Variants in PLCL2 observed in about 807,000 individuals in gnomAD.
PLCL2 encodes inactive phospholipase C-like protein 2.
In PLCL2, 4 loss-of-function variants were observed where a neutral mutation model predicts 79.6. That is an observed-to-expected ratio of 0.05 (90% CI 0.02 to 0.11). The LOEUF (loss-of-function observed/expected upper bound fraction) is 0.11. PLCL2 is among the 10% of genes least tolerant of loss of function. The pLI, the probability that PLCL2 is intolerant of heterozygous loss-of-function variation, is 1.00. For synonymous variants in PLCL2, 484 were observed against 457.7 expected, an observed-to-expected ratio of 1.06 and a Z score of -0.73; for missense variants, 895 against 1,291.0, an observed-to-expected ratio of 0.69 and a Z score of 4.70.
At chr3:16,916,138 A>G (rs1696989833) in intron 1 of PLCL2, among the ~76,000 whole-genome samples, 1 of 152,222 alleles carries the variant, frequency 6.6e-6, no homozygotes, top group Admixed American at 6.5e-5. Context: ...TTATAGCACC[A>G]GCACGGTACA....
chr3:16,965,507 C>CT (rs1184757689), intron 1 of PLCL2, among the ~76,000 whole-genome samples: 1 of 151,696 alleles, frequency 6.6e-6, no homozygotes, highest in Non-Finnish European at 1.5e-5. Context: ...AATGCGGGCT[C>CT]TTTTTTGGTT....
At chr3:17,052,256 G>GA (rs1353915221) in intron 4 of PLCL2, among the ~76,000 whole-genome samples, 1 of 56,238 alleles carries the variant, frequency 1.8e-5, no homozygotes, top group Non-Finnish European at 5.4e-5. Flanking sequence ...AAAAAAAATT[G>GA]GGGGGGGGTG....
At chr3:16,971,573 T>C (rs558266664) in intron 1 of PLCL2, among the ~76,000 whole-genome samples, 40 of 152,288 alleles carry the variant, frequency 2.6e-4, no homozygotes, top group Middle Eastern at 3.4e-3. Context: ...TAGTTTTTTC[T>C]AATTCTGTGA....
chr3:17,037,609 G>A (rs1049368225), intron 3 of PLCL2, among the ~76,000 whole-genome samples: 3 of 152,064 alleles, frequency 2.0e-5, no homozygotes, highest in African/African-American at 7.2e-5. Flanking sequence ...GCAGTTTAGA[G>A]GTTGGGATTT....
At chr3:17,056,014 C>T (rs2064888810) in intron 4 of PLCL2, among the ~76,000 whole-genome samples, 1 of 152,124 alleles carries the variant, frequency 6.6e-6, no homozygotes, top group South Asian at 2.1e-4. Flanking sequence ...GTGATTAAAT[C>T]CCAACACTGT....
intron 1 of PLCL2, among the ~76,000 whole-genome samples, chr3:16,967,136 A>C (rs188022003): frequency 2.4e-4 from 37 of 152,240 alleles, no homozygotes; most frequent in African/African-American, 8.9e-4. Flanking sequence ...CATGGTGTAT[A>C]TGTACCACAT....
chr3:16,892,167 T>C (rs1559477505), intron 1 of PLCL2, among the ~76,000 whole-genome samples: 1 of 152,242 alleles, frequency 6.6e-6, no homozygotes, highest in African/African-American at 2.4e-5. Flanking sequence ...CTGGTTTTGA[T>C]TGGAATATAA....
intron 1 of PLCL2, among the ~76,000 whole-genome samples, chr3:16,898,238 G>C (rs1413390111): frequency 6.6e-6 from 1 of 152,012 alleles, no homozygotes; most frequent in Admixed American, 6.6e-5. Flanking sequence ...TTTTATTTAC[G>C]TATTCTAAAT....
At chr3:17,003,643 A>G (rs1372844202) in intron 1 of PLCL2, among the ~76,000 whole-genome samples, 2 of 151,986 alleles carry the variant, frequency 1.3e-5, no homozygotes, top group African/African-American at 2.4e-5. Flanking sequence ...GGGCCTTCTC[A>G]CCTGTCCTAA....
chr3:16,974,602 A>G (rs763944503), intron 1 of PLCL2, among the ~76,000 whole-genome samples: 11 of 152,190 alleles, frequency 7.2e-5, no homozygotes, highest in Non-Finnish European at 1.3e-4. Flanking sequence ...ACCTTAACAT[A>G]CAAGTAAGAT....
chr3:16,900,203 T>G lies in PLCL2; in HGVS notation c.327+14837T>G, dbSNP rs541235728. ...TGTTTACTAAAGAAAATAACCTTCA[T>G]TTTTTCTTCTTGACAGAGGTAAAAA... On this transcript the variant is annotated intron_variant, in intron 1 of 5. Transcript: ENST00000615277. 5.3e-5 allele frequency among the ~76,000 whole-genome samples: 8 copies of G among 152,298 alleles called. No individual in the cohort carries two copies. In the South Asian group the frequency reaches 1.5e-3, roughly 28 times the overall value.
intron 1 of PLCL2, among the ~76,000 whole-genome samples, chr3:16,960,318 C>T (rs566428751): frequency 1.8e-4 from 28 of 152,342 alleles, no homozygotes; most frequent in African/African-American, 6.5e-4. Context: ...TGCCGCCACA[C>T]TGGTCCATCT....
chr3:17,039,606 T>C (rs962228563), intron 3 of PLCL2, among the ~76,000 whole-genome samples: 1 of 152,192 alleles, frequency 6.6e-6, no homozygotes, highest in Non-Finnish European at 1.5e-5. Flanking sequence ...TTATAACAGG[T>C]GTGACAACAT....
At chr3:16,908,050 A>G (rs998006826) in intron 1 of PLCL2, among the ~76,000 whole-genome samples, 9 of 152,084 alleles carry the variant, frequency 5.9e-5, no homozygotes, top group African/African-American at 1.4e-4. Flanking sequence ...TGTCATTCCT[A>G]TTGTATGTTT....
chr3:17,016,448 G>A (rs1483106686), intron 3 of PLCL2, among the ~76,000 whole-genome samples: 1 of 152,174 alleles, frequency 6.6e-6, no homozygotes, highest in East Asian at 1.9e-4. Context: ...ACATAGAGTG[G>A]CACCCTCCTG....
At chr3:16,920,797 A>G (rs964914532) in intron 1 of PLCL2, among the ~76,000 whole-genome samples, 1 of 152,212 alleles carries the variant, frequency 6.6e-6, no homozygotes, top group Non-Finnish European at 1.5e-5. Context: ...TACAACCACT[A>G]CTACGTGAGA....
chr3:16,988,526 G>A (rs2092904223), intron 1 of PLCL2, among the ~76,000 whole-genome samples: 1 of 152,070 alleles, frequency 6.6e-6, no homozygotes, highest in Admixed American at 6.6e-5. Context: ...GCTGCGGTCT[G>A]GGTAGTCTTT....
chr3:17,079,654 G>A (rs1435330878), intron 5 of PLCL2, among the ~76,000 whole-genome samples: 3 of 152,298 alleles, frequency 2.0e-5, no homozygotes, highest in East Asian at 1.9e-4. Context: ...TGGTGCTGCC[G>A]AGGAGCCCCC....
In PLCL2 at chr3:17,018,241, A is replaced by G. The variant is rs575886353; in HGVS notation, c.3018+3330A>G. Among the ~76,000 whole-genome samples the G allele has an allele frequency of 9.7e-4, 148 of 152,236 alleles. 1 individual carries two copies. The highest frequency in any genetic ancestry group is 1.5e-3 in the Non-Finnish European group (105 of 67,996). On this transcript the variant is annotated intron_variant, in intron 3 of 5. Coordinates refer to ENST00000615277, the MANE Select transcript of PLCL2 (RefSeq NM_001144382.2). Reference sequence around the variant, plus strand: ...ACACAGATGACCCTTCTTCCTCCCAATGGTGAGCAAGGGCCCTAGAGTCCT... The same window carrying G: ...ACACAGATGACCCTTCTTCCTCCCAGTGGTGAGCAAGGGCCCTAGAGTCCT...
Sources: gnomAD v4.1 joint callset for allele counts (sites outside exome capture counted in the v4.1 genomes callset) on GRCh38, gnomAD v4.1.1 for gene constraint, MANE v1.5 for transcripts, NCBI Gene and HGNC (gene_info 2026-07-23, HGNC 2026-07-21) for gene names.